Variants in EFCAB9 observed in about 807,000 individuals in gnomAD.
EFCAB9 encodes the protein EF-hand calcium-binding domain-containing protein 9.
EFCAB9 carries 16 observed loss-of-function variants against 15.6 expected under a neutral mutation model. The observed-to-expected ratio is 1.03, with a 90% CI of 0.69 to 1.56. EFCAB9 has a LOEUF of 1.56. Ranked by LOEUF, EFCAB9 falls within the 40% of genes most tolerant of loss-of-function variation. The probability of loss-of-function intolerance (pLI) is 0.00; values close to 1 mark genes in which losing one functional copy is unlikely to be tolerated. For synonymous variants in EFCAB9, 76 were observed against 85.4 expected (o/e 0.89, Z 0.61); for missense variants, 208 against 235.4 (o/e 0.88, Z 0.76).
intron 1 of EFCAB9, among the ~76,000 whole-genome samples, chr5:172,198,762 T>C (rs903210537): frequency 6.6e-6 from 1 of 151,820 alleles, no homozygotes; most frequent in Non-Finnish European, 1.5e-5. Flanking sequence ...ACTACAGGTG[T>C]GTGCCACCAC....
Position 172,203,415 on chromosome 5 carries a change from G to C in EFCAB9, c.*70G>C. 2 of 1,446,958 alleles carry C rather than the reference G, an allele frequency of 1.4e-6. No individual in the cohort carries two copies. Among genetic ancestry groups the C allele is most frequent in the Non-Finnish European group, 9.1e-7 (1 of 1,102,842 alleles). 89.6% of individuals were successfully genotyped at this position (1,446,958 alleles called of 1,614,324 possible). On this transcript the variant is annotated 3_prime_UTR_variant, in exon 4 of 4. Coordinates refer to ENST00000398186, the MANE Select transcript of EFCAB9 (RefSeq NM_001171183.2). ...CAGAACATGAACATTGATGAAGACTGTTAACATGTCTAAAAATAAATTCAG... is the reference window on the plus strand; with the variant it reads ...CAGAACATGAACATTGATGAAGACTCTTAACATGTCTAAAAATAAATTCAG...
Position 172,200,600 on chromosome 5 carries a change from C to T in EFCAB9, c.320C>T (p.Ser107Phe), listed in dbSNP as rs1352077686. 2.0e-6 allele frequency: 3 copies of T among 1,537,096 alleles called. No homozygotes were observed. Among genetic ancestry groups the T allele is most frequent in the Non-Finnish European group, 2.6e-6 (3 of 1,146,866 alleles). Residue 107 changes from serine (S) to phenylalanine (F), a missense_variant, in exon 3 of 4, where the codon TCC (serine) becomes TTC (phenylalanine). Coordinates refer to ENST00000398186, the MANE Select transcript of EFCAB9 (RefSeq NM_001171183.2). ...HLEGQFMYRH[S>F]RPVFDLLDLK... ...GAAGGACAGTTTATGTATCGTCATT[C>T]CCGGCCTGTCTTTGACCTGCTTGAC...
chr5:172,198,771 A>G (rs895694405), intron 1 of EFCAB9, among the ~76,000 whole-genome samples: 12 of 152,228 alleles, frequency 7.9e-5, no homozygotes, highest in South Asian at 2.1e-4. Flanking sequence ...GTGTGCCACC[A>G]CGCCTGGCTA....
intron 1 of EFCAB9, 96 bp downstream of exon 1, chr5:172,194,404 A>AT (rs35441810): frequency 0.23 from 273,641 of 1,164,716 alleles, 5,586 homozygotes; most frequent in East Asian, 0.36. Context: ...TTGTTAGTAC[A>AT]TTTTTTTTTT....
Position 172,199,453 on chromosome 5 carries a change from C to T in EFCAB9, c.207C>T (p.Asp69=), listed in dbSNP as rs529766043. 2.6e-6 allele frequency: 4 copies of T among 1,537,196 alleles called. No homozygotes were observed. Among genetic ancestry groups the T allele is most frequent in the East Asian group, 4.9e-5 (2 of 40,926 alleles). The change falls in exon 2 of 4, where the codon GAC becomes GAT. Residue 69 remains aspartate, a synonymous_variant. Coordinates refer to ENST00000398186, the MANE Select transcript of EFCAB9 (RefSeq NM_001171183.2). ...AGGCACAGATCAACATTGTGTTTGA[C>T]ATGCTGGACTGGAACGCTGTGGGCG... ...LKKAQINIVF[D]MLDWNAVGEI...
chr5:172,194,311 C>G lies in EFCAB9; in HGVS notation c.136+3C>G. 6.5e-7 allele frequency: 1 copy of G among 1,537,758 alleles called. No individual in the cohort carries two copies. The highest frequency in any genetic ancestry group is 8.7e-7 in the Non-Finnish European group (1 of 1,146,984). On this transcript the variant is annotated splice_donor_region_variant and intron_variant, in intron 1 of 3. Transcript: ENST00000398186. ...GCACGGCAAGAACACCTTGAATGGT[C>G]AGTACTTTCAGACATGTCTCCTCTG...
Position 172,203,401 on chromosome 5 carries a change from C to G in EFCAB9, c.*56C>G. ...GGGATCTGAAAGTACAGAACATGAA[C>G]ATTGATGAAGACTGTTAACATGTCT... On this transcript the variant is annotated 3_prime_UTR_variant, in exon 4 of 4. Transcript: ENST00000398186. 6.7e-7 allele frequency: 1 copy of G among 1,491,988 alleles called. No individual in the cohort carries two copies. The highest frequency in any genetic ancestry group is 8.9e-7 in the Non-Finnish European group (1 of 1,127,876). 92.4% of individuals were successfully genotyped at this position (1,491,988 alleles called of 1,614,324 possible). A position where few individuals can be genotyped will look rare whatever the true frequency, so the allele number is the denominator to read the frequency against.
intron 3 of EFCAB9, 78 bp downstream of exon 3, chr5:172,200,820 G>T: frequency 7.5e-7 from 1 of 1,339,494 alleles, no homozygotes. Flanking sequence ...ACTACATATA[G>T]GAGAGATGGG....
At chr5:172,199,636 G>T (rs1407673644) in intron 2 of EFCAB9, 105 bp downstream of exon 2, 2 of 1,431,822 alleles carry the variant, frequency 1.4e-6, no homozygotes, top group Admixed American at 2.4e-5. Context: ...AGAAAAGATG[G>T]GTGGTGGGGA....
chr5:172,200,267 C>T (rs766453970), intron 2 of EFCAB9, among the ~76,000 whole-genome samples: 99 of 152,038 alleles, frequency 6.5e-4, no homozygotes, highest in Non-Finnish European at 2.2e-4. Flanking sequence ...TTATCACCCA[C>T]GCCATGATGT....
Position 172,199,446 on chromosome 5 carries a change from T to C in EFCAB9, c.200T>C (p.Val67Ala), listed in dbSNP as rs992946442. The C allele has an allele frequency of 1.1e-5, 17 of 1,537,192 alleles. No homozygotes were observed. Among genetic ancestry groups the C allele is most frequent in the Admixed American group, 2.0e-5 (1 of 50,976 alleles). Residue 67 changes from valine (V) to alanine (A), a missense_variant, in exon 2 of 4, where the codon GTG becomes GCG. By Grantham distance (64) the Val-to-Ala change is moderately conservative (BLOSUM62 0). Transcript: ENST00000398186. Reference protein sequence around the residue: ...TDLKKAQINIVFDMLDWNAVG... With the variant: ...TDLKKAQINIAFDMLDWNAVG... The stretch of plus-strand genomic sequence containing the variant: ...TTGAAAAAGGCACAGATCAACATTG[T>C]GTTTGACATGCTGGACTGGAACGCT...
chr5:172,199,303 C>T lies in EFCAB9; in HGVS notation c.137-80C>T, dbSNP rs1017813735. 108 of 1,442,018 alleles carry T rather than the reference C, an allele frequency of 7.5e-5. 1 individual carries two copies. The Admixed American group carries it at 2.1e-3, about 28-fold the overall frequency. The allele number at this position is 1,442,018 out of a possible 1,614,324, so 89.3% of individuals were successfully genotyped here. A position where few individuals can be genotyped will look rare whatever the true frequency, so the allele number is the denominator to read the frequency against. On this transcript the variant is annotated intron_variant, in intron 1 of 3. Transcript: ENST00000398186. ...GATCAATAAGCTTCCAACATCACTA[C>T]CATTTACATGGCTTCTAGCTGTTTA...
At position 172,203,185 on chromosome 5, in the gene EFCAB9, T is replaced by A. The variant is rs1478706475; in HGVS notation, c.463-29T>A. On this transcript the variant is annotated intron_variant, in intron 3 of 3. Coordinates refer to ENST00000398186, the MANE Select transcript of EFCAB9 (RefSeq NM_001171183.2). Reference sequence around the variant, plus strand: ...AAGTATGAAGTTTTTCCTGAAATAATTTTTCTTTCCCCCCCACCCTAACCA... The same window carrying A: ...AAGTATGAAGTTTTTCCTGAAATAAATTTTCTTTCCCCCCCACCCTAACCA... 3.5e-6 allele frequency: 5 copies of A among 1,424,006 alleles called. No homozygotes were observed. The Admixed American group carries it at 1.5e-4, about 42-fold the overall frequency. The allele number at this position is 1,424,006 out of a possible 1,614,324, so 88.2% of individuals were successfully genotyped here.
At chr5:172,199,613 A>G (rs765795447) in intron 2 of EFCAB9, 82 bp downstream of exon 2, 12 of 1,482,662 alleles carry the variant, frequency 8.1e-6, no homozygotes, top group Non-Finnish European at 9.9e-6. Context: ...TCCTCCTTTC[A>G]CTAAAAAGAG....
At position 172,199,505 on chromosome 5, in the gene EFCAB9, C is replaced by A; in HGVS notation, c.259C>A (p.Leu87Met). 3.3e-6 allele frequency: 5 copies of A among 1,537,304 alleles called. No individual in the cohort carries two copies. The highest frequency in any genetic ancestry group is 4.4e-6 in the Non-Finnish European group (5 of 1,146,922). ...GEIDFEKFYM[L>M]VCMLLAHQNH... ...GATCGACTTTGAGAAGTTCTACATG[C>A]TGGTGTGCATGCTGCTGGCCCACCA... Residue 87 changes from leucine (L) to methionine (M), a missense_variant, in exon 2 of 4, where the codon CTG becomes ATG. Transcript: ENST00000398186.
chr5:172,202,778 G>A (rs1482003450), intron 3 of EFCAB9, among the ~76,000 whole-genome samples: 12 of 151,736 alleles, frequency 7.9e-5, no homozygotes, highest in Non-Finnish European at 1.5e-5. Context: ...GAGGCAGGCG[G>A]GTCATGAGGT....
intron 1 of EFCAB9, among the ~76,000 whole-genome samples, chr5:172,197,290 A>G (rs1291898750): frequency 3.3e-5 from 5 of 151,992 alleles, no homozygotes. Context: ...TATTTTTAGT[A>G]GAGACGGGTT....
intron 2 of EFCAB9, among the ~76,000 whole-genome samples, chr5:172,200,144 C>A (rs996707783): frequency 6.6e-6 from 1 of 151,980 alleles, no homozygotes; most frequent in African/African-American, 2.4e-5. Context: ...GTCTCAAACT[C>A]CTGACCTCAA....
Position 172,202,172 on chromosome 5 carries a change from C to G in EFCAB9, c.463-1042C>G, listed in dbSNP as rs575639083. Reference sequence around the variant, plus strand: ...TGGCTAACACGGTGAAACCCCATCTCTACTAAAAATACAAAAAAACTAGCT... The same window carrying G: ...TGGCTAACACGGTGAAACCCCATCTGTACTAAAAATACAAAAAAACTAGCT... On this transcript the variant is annotated intron_variant, in intron 3 of 3. Coordinates refer to ENST00000398186, the MANE Select transcript of EFCAB9 (RefSeq NM_001171183.2). 7.9e-5 allele frequency among the ~76,000 whole-genome samples: 12 copies of G among 151,658 alleles called. 1 individual carries two copies. The South Asian group carries it at 1.7e-3, about 21-fold the overall frequency.
Sources: allele counts gnomAD v4.1 joint callset (sites outside exome capture counted in the v4.1 genomes callset), GRCh38; gene constraint gnomAD v4.1.1; transcripts MANE v1.5; gene names NCBI Gene and HGNC (gene_info 2026-07-23, HGNC 2026-07-21).